Variants in ANXA13 observed in about 807,000 individuals in gnomAD.
ANXA13 encodes annexin XIII.
ANXA13 carries 36 observed loss-of-function variants against 46.6 expected under a neutral mutation model. That is an observed-to-expected ratio of 0.77 (90% CI 0.59 to 1.02). The LOEUF (loss-of-function observed/expected upper bound fraction) is 1.02, where lower values mean the gene tolerates loss of function less well. Among genes scored for constraint, ANXA13 ranks in the 50% least tolerant of loss-of-function variants. ANXA13 has a pLI of 0.00. For missense variants in ANXA13, 417 were observed against 396.5 expected, an observed-to-expected ratio of 1.05 and a Z score of -0.44; for synonymous variants, 163 against 152.9, an observed-to-expected ratio of 1.07 and a Z score of -0.49.
At chr8:123,685,622 G>A (rs1274426571) in intron 9 of ANXA13, among the ~76,000 whole-genome samples, 2 of 152,220 alleles carry the variant, frequency 1.3e-5, no homozygotes, top group Non-Finnish European at 2.9e-5. Context: ...CCCATAATGG[G>A]GCTGTTGTTG....
At chr8:123,689,053 T>G (rs1178076554) in intron 8 of ANXA13, 107 bp from the exon 9 acceptor site, 4 of 1,060,388 alleles carry the variant, frequency 3.8e-6, no homozygotes, top group South Asian at 1.3e-5. Context: ...GATTTAGTCC[T>G]GTGGCTTCAG....
At chr8:123,689,405 A>G (rs1349841623) in intron 8 of ANXA13, among the ~76,000 whole-genome samples, 2 of 151,834 alleles carry the variant, frequency 1.3e-5, no homozygotes, top group African/African-American at 4.8e-5. Context: ...ATGCACCTCC[A>G]TCCTCTCCCT....
chr8:123,722,663 C>T (rs182894508), intron 1 of ANXA13, among the ~76,000 whole-genome samples: 1 of 152,298 alleles, frequency 6.6e-6, no homozygotes, highest in African/African-American at 2.4e-5. Flanking sequence ...CCTTCTGATG[C>T]TAATAGAATC....
chr8:123,695,806 T>C (rs1813320862), intron 4 of ANXA13, 85 bp from the exon 5 acceptor site: 1 of 1,208,130 alleles, frequency 8.3e-7, no homozygotes, highest in African/African-American at 1.5e-5. Flanking sequence ...CGGGAGACCA[T>C]GTCTGGACAC....
At chr8:123,720,044 T>C (rs1005114971) in intron 1 of ANXA13, among the ~76,000 whole-genome samples, 1 of 152,224 alleles carries the variant, frequency 6.6e-6, no homozygotes, top group African/African-American at 2.4e-5. Flanking sequence ...TCTGAAAGTA[T>C]TATCAAAATG....
At chr8:123,688,261 T>C (rs571991797) in intron 9 of ANXA13, among the ~76,000 whole-genome samples, 3 of 152,278 alleles carry the variant, frequency 2.0e-5, no homozygotes, top group Admixed American at 2.0e-4. Flanking sequence ...GATTTGATGA[T>C]TTTATAAGGG....
At chr8:123,686,470 A>AAAAG (rs543852343) in intron 9 of ANXA13, among the ~76,000 whole-genome samples, 39,917 of 148,526 alleles carry the variant, frequency 0.27, 5,486 homozygotes, top group South Asian at 0.32. Flanking sequence ...AAAAAAAAAA[A>AAAAG]AAAGAAAGAA....
intron 10 of ANXA13, among the ~76,000 whole-genome samples, chr8:123,683,584 C>CTTTTTTTTTTTTTT (rs5894671): frequency 9.9e-6 from 1 of 100,824 alleles, no homozygotes; most frequent in African/African-American, 4.0e-5. Flanking sequence ...TAGCTGTGAC[C>CTTTTTTTTTTTTTT]TTTTTTTTTT....
Position 123,693,779 on chromosome 8 carries a change from C to T in ANXA13, c.472G>A (p.Ala158Thr), listed in dbSNP as rs149725897. Residue 158 changes from alanine to threonine, a missense_variant and splice_region_variant, in exon 7 of 11, where the codon GCT (alanine) becomes ACT (threonine). Physicochemically the swap from Ala to Thr is moderately conservative, Grantham distance 58. Transcript: ENST00000419625. ...ACGTCATCTCCTTCATTGCGATTAG[C>T]CTAGAAAAATTGACACATTGTTATT... ...LKKILVSLLQ[A>T]NRNEGDDVDK... is the part of the protein sequence containing the mutation. The T allele has an allele frequency of 6.2e-7, 1 of 1,613,568 alleles. No individual in the cohort carries two copies. Among genetic ancestry groups the T allele is most frequent in the African/African-American group, 1.3e-5 (1 of 74,880 alleles).
chr8:123,692,007 G>T (rs1407842512), intron 8 of ANXA13, among the ~76,000 whole-genome samples: 2 of 152,236 alleles, frequency 1.3e-5, no homozygotes, highest in Non-Finnish European at 2.9e-5. Context: ...GACCAGGGGA[G>T]TGCAGGGTCA....
At chr8:123,735,805 G>A (rs992145059) in intron 1 of ANXA13, 6 of 1,612,842 alleles carry the variant, frequency 3.7e-6, no homozygotes, top group Non-Finnish European at 5.1e-6. Context: ...CTGAGAGGCT[G>A]CACGACTGTC....
At chr8:123,730,577 C>T (rs1235652358) in intron 1 of ANXA13, among the ~76,000 whole-genome samples, 1 of 152,158 alleles carries the variant, frequency 6.6e-6, no homozygotes, top group Non-Finnish European at 1.5e-5. Context: ...GCAGAATTCA[C>T]CTTATTTGGA....
At chr8:123,714,118 G>C (rs1266055304) in intron 1 of ANXA13, among the ~76,000 whole-genome samples, 2 of 152,220 alleles carry the variant, frequency 1.3e-5, no homozygotes. Flanking sequence ...TCAACCACAT[G>C]CAGCTCAGTG....
chr8:123,735,974 G>A, intron 1 of ANXA13: 3 of 1,341,000 alleles, frequency 2.2e-6, no homozygotes, highest in Admixed American at 2.7e-5. Context: ...ATCCTCCTAA[G>A]CTGTGAATGC....
intron 2 of ANXA13, chr8:123,712,424 T>C (rs1308263983): frequency 1.9e-6 from 1 of 525,618 alleles, no homozygotes; most frequent in African/African-American, 1.9e-5. Flanking sequence ...CTCATGAAGT[T>C]TCTCTCACCT....
chr8:123,702,510 G>A, intron 3 of ANXA13, 132 bp downstream of exon 3: 1 of 695,702 alleles, frequency 1.4e-6, no homozygotes, highest in Non-Finnish European at 2.5e-6. Flanking sequence ...CTTTTAAGTG[G>A]TTATTTCACT....
intron 1 of ANXA13, among the ~76,000 whole-genome samples, chr8:123,730,016 TC>T (rs977533082): frequency 6.6e-6 from 1 of 152,258 alleles, no homozygotes; most frequent in African/African-American, 2.4e-5. Context: ...CGTCTTCCTT[TC>T]CCTCACCTCC....
chr8:123,693,807 C>T (rs12056704), intron 6 of ANXA13, 28 bp from the exon 7 acceptor site: 1 of 1,591,522 alleles, frequency 6.3e-7, no homozygotes, highest in Non-Finnish European at 8.6e-7. Context: ...TTGTTATTAA[C>T]TTGCATTCCT....
rs1198274909 is a variant in ANXA13, at chr8:123,690,693, C to A, written c.643-1747G>T. Among the ~76,000 whole-genome samples the A allele has an allele frequency of 6.6e-6, 1 of 152,264 alleles. No individual in the cohort carries two copies. The highest frequency in any genetic ancestry group is 1.5e-5 in the Non-Finnish European group (1 of 68,040). ...ACACATTATAAGGGTAGATTCCAAA[C>A]AAGTCTCTAAGACTCTAGTTAAACA... On this transcript the variant is annotated intron_variant, in intron 8 of 10. Coordinates refer to ENST00000419625, the MANE Select transcript of ANXA13 (RefSeq NM_004306.4). This position sits in a 1 kb window ranked among gnomAD's most constrained non-coding sequence, Gnocchi z 4.6.
Sources: allele counts gnomAD v4.1 joint callset (sites outside exome capture counted in the v4.1 genomes callset), GRCh38; gene constraint gnomAD v4.1.1; non-coding constraint Gnocchi (gnomAD v3.1); transcripts MANE v1.5; gene names NCBI Gene and HGNC (gene_info 2026-07-23, HGNC 2026-07-21).